The following TMCC2 variants were observed in gnomAD, a reference collection of about 807,000 sequenced individuals.
The protein encoded by TMCC2 is transmembrane and coiled-coil domain family 2, also known as transmembrane and coiled-coil domains protein 2.
A neutral mutation model predicts 49.4 loss-of-function variants in TMCC2; 16 were observed. That is an observed-to-expected ratio of 0.32 (90% CI 0.22 to 0.49). TMCC2 has a LOEUF of 0.49. Ranked by LOEUF, TMCC2 falls within the 20% of genes least tolerant of loss-of-function variation. TMCC2 has a pLI of 0.99. For synonymous variants in TMCC2, 397 were observed against 434.1 expected, an observed-to-expected ratio of 0.91 and a Z score of 1.06; for missense variants, 762 against 989.8, an observed-to-expected ratio of 0.77 and a Z score of 3.09.
chr1:205,242,145 G>C (rs942460352), intron 2 of TMCC2, 101 bp downstream of exon 2: 1 of 1,293,534 alleles, frequency 7.7e-7, no homozygotes, highest in Non-Finnish European at 1.0e-6. Context: ...CTCCCTGGCA[G>C]ATACTGACAC....
intron 1 of TMCC2, chr1:205,229,111 A>G: frequency 6.9e-6 from 8 of 1,151,224 alleles, no homozygotes; most frequent in Non-Finnish European, 5.4e-6. Flanking sequence ...GCAGGTGACC[A>G]TTAGTTTTCC....
intron 2 of TMCC2, 126 bp from the exon 3 acceptor site, chr1:205,268,824 G>T: frequency 3.4e-6 from 3 of 876,216 alleles, no homozygotes; most frequent in Middle Eastern, 2.5e-4. Flanking sequence ...TGCTCTTGTG[G>T]TGGTTGTCTT....
At chr1:205,260,978 C>G (rs1001012956) in intron 2 of TMCC2, among the ~76,000 whole-genome samples, 5 of 152,148 alleles carry the variant, frequency 3.3e-5, no homozygotes, top group Non-Finnish European at 7.3e-5. Context: ...AATATTGCTG[C>G]TATGAGCATT....
At chr1:205,265,601 G>A (rs1177725636) in intron 2 of TMCC2, among the ~76,000 whole-genome samples, 5 of 146,184 alleles carry the variant, frequency 3.4e-5, no homozygotes, top group African/African-American at 7.7e-5. Flanking sequence ...TCGCTCTGTC[G>A]CCCAGGCTGG....
intron 2 of TMCC2, among the ~76,000 whole-genome samples, chr1:205,251,350 C>T (rs996799101): frequency 2.0e-5 from 3 of 152,176 alleles, no homozygotes; most frequent in African/African-American, 7.2e-5. Context: ...AACCTAGAGG[C>T]CTCCTGCCCG....
At chr1:205,257,876 C>T (rs757310725) in intron 2 of TMCC2, among the ~76,000 whole-genome samples, 10 of 152,054 alleles carry the variant, frequency 6.6e-5, no homozygotes, top group Admixed American at 1.3e-4. Context: ...GAGGGGAGCT[C>T]GGGGCCCCAA....
intron 4 of TMCC2, 172 bp downstream of exon 4, chr1:205,271,427 C>A: frequency 9.2e-7 from 1 of 1,081,184 alleles, no homozygotes; most frequent in Non-Finnish European, 1.3e-6. Context: ...GTGGAGTGAG[C>A]AAGACAGGCC....
intron 2 of TMCC2, among the ~76,000 whole-genome samples, chr1:205,253,692 C>G: frequency 6.6e-6 from 1 of 152,242 alleles, no homozygotes; most frequent in East Asian, 1.9e-4. Flanking sequence ...CCTTTCAGAG[C>G]CCACTGCTTT....
chr1:205,260,163 G>A (rs1353890619), intron 2 of TMCC2, among the ~76,000 whole-genome samples: 1 of 152,216 alleles, frequency 6.6e-6, no homozygotes, highest in Non-Finnish European at 1.5e-5. Flanking sequence ...GGTACCTGTG[G>A]AGTGGCCAGC....
At chr1:205,246,409 C>A in intron 2 of TMCC2, 1 of 1,081,902 alleles carries the variant, frequency 9.2e-7, no homozygotes, top group Non-Finnish European at 1.2e-6. Flanking sequence ...GTCAGCTGTA[C>A]GAGTCTGGAG....
intron 2 of TMCC2, chr1:205,246,522 C>G (rs1011004632): frequency 6.6e-7 from 1 of 1,508,348 alleles, no homozygotes; most frequent in Non-Finnish European, 8.9e-7. Context: ...CTAGCCTCCA[C>G]TGGGGAGAAG....
chr1:205,240,205 C>T (rs1660212528), intron 1 of TMCC2, among the ~76,000 whole-genome samples: 1 of 152,232 alleles, frequency 6.6e-6, no homozygotes, highest in South Asian at 2.1e-4. Flanking sequence ...ATAGAGGGCT[C>T]AACCTGGCCG....
intron 1 of TMCC2, among the ~76,000 whole-genome samples, chr1:205,230,437 A>AC (rs996804322): frequency 7.9e-5 from 12 of 151,890 alleles, no homozygotes; most frequent in Non-Finnish European, 2.9e-5. Context: ...CTCTGCTGTC[A>AC]CCCCCGAGTC....
In TMCC2 at chr1:205,241,670, C is replaced by A. The variant is rs752293588; in HGVS notation, c.373C>A (p.Arg125Ser). Residue 125 changes from arginine (R) to serine (S), a missense_variant, in exon 2 of 5, where the codon CGC becomes AGC. Arg to Ser is a moderately radical substitution (Grantham distance 110). Around this residue, in one of 2 missense-constraint regions of TMCC2, gnomAD observed 322 missense variants for 353.1 expected, o/e 0.91. Transcript: ENST00000358024. This position sits in a 1 kb window ranked among gnomAD's most constrained non-coding sequence, Gnocchi z 7.3. Reference protein sequence around the residue: ...SDHDSPDEKERSPEMHRVSYA... With the variant: ...SDHDSPDEKESSPEMHRVSYA... ...CCATGACTCCCCAGATGAGAAGGAG[C>A]GCTCTCCGGAGATGCATCGCGTCTC... is the stretch of plus-strand genomic sequence containing the variant. The A allele has an allele frequency of 1.9e-6, 3 of 1,613,642 alleles. No individual in the cohort carries two copies. In the African/African-American group the frequency reaches 4.0e-5, roughly 22 times the overall value.
Position 205,241,635 on chromosome 1 carries a change from G to A in TMCC2, c.338G>A (p.Gly113Asp). Residue 113 changes from glycine to aspartate, a missense_variant, in exon 2 of 5, where the codon GGT (glycine) becomes GAT (aspartate). Physicochemically the swap from Gly to Asp is moderately conservative, Grantham distance 94. Around this residue, in one of 2 missense-constraint regions of TMCC2, gnomAD observed 322 missense variants for 353.1 expected, o/e 0.91. Coordinates refer to ENST00000358024, the MANE Select transcript of TMCC2 (RefSeq NM_014858.4). The surrounding 1 kb of genome is among the most constrained non-coding windows in gnomAD (Gnocchi z 7.3). ...QDSQQHQQQQ[G>D]MSDHDSPDEK... The stretch of plus-strand genomic sequence containing the variant: ...TCCCAGCAGCATCAGCAGCAGCAGG[G>A]TATGTCCGACCATGACTCCCCAGAT... 1 of 1,613,882 alleles carries A rather than the reference G, an allele frequency of 6.2e-7. No homozygotes were observed. The highest frequency in any genetic ancestry group is 1.3e-5 in the African/African-American group (1 of 75,038).
chr1:205,265,176 G>A (rs1661272761), intron 2 of TMCC2, among the ~76,000 whole-genome samples: 1 of 152,206 alleles, frequency 6.6e-6, no homozygotes, highest in African/African-American at 2.4e-5. Context: ...GTAGAGAAGA[G>A]GGGTGGACGA....
chr1:205,241,643 G>C lies in TMCC2; in HGVS notation c.346G>C (p.Asp116His), dbSNP rs1033504397. ...QQHQQQQGMS[D>H]HDSPDEKERS... The stretch of plus-strand genomic sequence containing the variant: ...GCATCAGCAGCAGCAGGGTATGTCC[G>C]ACCATGACTCCCCAGATGAGAAGGA... Residue 116 changes from aspartate (D) to histidine (H), a missense_variant, in exon 2 of 5, where the codon GAC becomes CAC. Physicochemically the swap from Asp to His is moderately conservative, Grantham distance 81 (BLOSUM62 -1). Coordinates refer to ENST00000358024, the MANE Select transcript of TMCC2 (RefSeq NM_014858.4). This position sits in a 1 kb window ranked among gnomAD's most constrained non-coding sequence, Gnocchi z 7.3. 2 of 1,613,846 alleles carry C rather than the reference G, an allele frequency of 1.2e-6. No homozygotes were observed. The highest frequency in any genetic ancestry group is 3.3e-5 in the Admixed American group (2 of 60,012).
chr1:205,240,036 C>G (rs1366807692), intron 1 of TMCC2, among the ~76,000 whole-genome samples: 1 of 152,106 alleles, frequency 6.6e-6, no homozygotes, highest in Non-Finnish European at 1.5e-5. Flanking sequence ...ACTGAGGCAG[C>G]CTGGTAAGAT....
At position 205,228,003 on chromosome 1, in the gene TMCC2, G is replaced by A. The variant is rs1002029483; in HGVS notation, c.-562G>A. The stretch of plus-strand genomic sequence containing the variant: ...GGCTTTGCGGCAGGCTGCGCGTCAG[G>A]CGGGGAGCGGGGCGCGCGGGCCGGG... On this transcript the variant is annotated 5_prime_UTR_variant, in exon 1 of 5. Transcript: ENST00000358024. Among the ~76,000 whole-genome samples, 13 of 148,168 alleles carry A rather than the reference G, an allele frequency of 8.8e-5. No homozygotes were observed. The highest frequency in any genetic ancestry group is 1.8e-4 in the Non-Finnish European group (12 of 66,522).
Sources: allele counts gnomAD v4.1 joint callset (sites outside exome capture counted in the v4.1 genomes callset), GRCh38; gene constraint gnomAD v4.1.1; regional missense constraint gnomAD v4.1.1; non-coding constraint Gnocchi (gnomAD v3.1); transcripts MANE v1.5; gene names NCBI Gene and HGNC (gene_info 2026-07-23, HGNC 2026-07-21).